The following EFR3A variants were observed in gnomAD, a reference collection of about 807,000 sequenced individuals.
EFR3A encodes the protein EFR3 homolog A, also known as protein EFR3 homolog A.
EFR3A carries 76 observed loss-of-function variants against 104.4 expected under a neutral mutation model. The observed-to-expected ratio is 0.73, with a 90% CI of 0.60 to 0.88. EFR3A has a LOEUF of 0.88. Among genes scored for constraint, EFR3A ranks in the 40% least tolerant of loss-of-function variants. The pLI is 0.00. For missense variants in EFR3A, 985 were observed against 1,012.5 expected (o/e 0.97, Z 0.37); for synonymous variants, 330 against 330.0 (o/e 1.00, Z 0.00).
chr8:131,970,961 C>G (rs1388521973), intron 10 of EFR3A, among the ~76,000 whole-genome samples: 1 of 151,954 alleles, frequency 6.6e-6, no homozygotes, highest in Non-Finnish European at 1.5e-5. Flanking sequence ...ATGTGTGTCT[C>G]TTTGTGTGTG....
chr8:131,915,010 A>AT (rs1816682623), intron 1 of EFR3A, among the ~76,000 whole-genome samples: 1 of 152,190 alleles, frequency 6.6e-6, no homozygotes, highest in African/African-American at 2.4e-5. Flanking sequence ...GCTGCATAGT[A>AT]TTCCATGGTA....
chr8:132,003,470 CT>C (rs1821890366), intron 22 of EFR3A, among the ~76,000 whole-genome samples, 185 bp downstream of exon 22: 2 of 152,166 alleles, frequency 1.3e-5, no homozygotes, highest in Admixed American at 1.3e-4. Flanking sequence ...TAGGCAGAGT[CT>C]GATACCCTTT....
chr8:131,904,132 T>C lies in EFR3A; in HGVS notation c.-181T>C, dbSNP rs1338983539. ...CCGGCGAGGAGTGGGCTGGCGGCGG[T>C]AGCTGTCGCCCGCTTGGTTGCGTGA... is the stretch of plus-strand genomic sequence containing the variant. On this transcript the variant is annotated 5_prime_UTR_variant, in exon 1 of 23. Coordinates refer to ENST00000254624, the MANE Select transcript of EFR3A (RefSeq NM_015137.6). 12 of 630,042 alleles carry C rather than the reference T, an allele frequency of 1.9e-5. No homozygotes were observed. Among genetic ancestry groups the C allele is most frequent in the South Asian group, 8.1e-5 (1 of 12,288 alleles). The allele number at this position is 630,042 out of a possible 1,614,324, so 39.0% of individuals were successfully genotyped here.
chr8:132,001,586 T>C (rs112996821), intron 19 of EFR3A, among the ~76,000 whole-genome samples, 173 bp from the exon 20 acceptor site: 12 of 152,246 alleles, frequency 7.9e-5, no homozygotes, highest in African/African-American at 2.9e-4. Flanking sequence ...TTAGAACCAA[T>C]GAAAAAGTGG....
At chr8:131,935,399 C>G (rs1817824797) in intron 1 of EFR3A, 1 of 286,964 alleles carries the variant, frequency 3.5e-6, no homozygotes, top group Non-Finnish European at 7.2e-6. Flanking sequence ...TGAAGACAGA[C>G]ACATATATGT....
intron 4 of EFR3A, among the ~76,000 whole-genome samples, chr8:131,949,495 A>T (rs1818594262): frequency 6.6e-6 from 1 of 152,028 alleles, no homozygotes; most frequent in African/African-American, 2.4e-5. Context: ...TTGTTTTCTA[A>T]AAGTTTATTA....
intron 7 of EFR3A, among the ~76,000 whole-genome samples, chr8:131,957,607 C>T (rs1350421315): frequency 1.3e-5 from 2 of 152,170 alleles, no homozygotes; most frequent in Non-Finnish European, 1.5e-5. Flanking sequence ...GCCTTGGCAT[C>T]CCATAGTGCT....
At chr8:131,970,897 C>G (rs1327031497) in intron 10 of EFR3A, among the ~76,000 whole-genome samples, 1 of 152,092 alleles carries the variant, frequency 6.6e-6, no homozygotes, top group African/African-American at 2.4e-5. Context: ...CTTTTACTCT[C>G]TTTTTCCTGC....
intron 1 of EFR3A, among the ~76,000 whole-genome samples, chr8:131,915,481 C>G (rs983211708): frequency 6.6e-6 from 1 of 152,180 alleles, no homozygotes; most frequent in Non-Finnish European, 1.5e-5. Context: ...GCACTGCTGG[C>G]TGGAGAATAC....
At chr8:131,996,545 T>C (rs1821498575) in intron 19 of EFR3A, 48 bp downstream of exon 19, 1 of 1,283,840 alleles carries the variant, frequency 7.8e-7, no homozygotes. Context: ...GTAGACATCA[T>C]TTAAAAGAAT....
At chr8:131,957,531 G>A (rs1479179260) in intron 7 of EFR3A, among the ~76,000 whole-genome samples, 5 of 151,998 alleles carry the variant, frequency 3.3e-5, no homozygotes, top group African/African-American at 1.2e-4. Context: ...TGTATTTTTA[G>A]TAGAGATGAG....
intron 1 of EFR3A, among the ~76,000 whole-genome samples, chr8:131,917,258 C>A (rs532901740): frequency 6.6e-6 from 1 of 152,354 alleles, no homozygotes; most frequent in Admixed American, 6.5e-5. Flanking sequence ...TATCAGTCAG[C>A]TCTTGGAGTT....
intron 8 of EFR3A, 98 bp downstream of exon 8, chr8:131,959,761 A>G: frequency 5.7e-6 from 4 of 702,472 alleles, no homozygotes; most frequent in Non-Finnish European, 9.1e-6. Context: ...TGTAGGATAT[A>G]AATCATTGCT....
At chr8:131,911,132 A>G (rs1449684324) in intron 1 of EFR3A, among the ~76,000 whole-genome samples, 1 of 152,212 alleles carries the variant, frequency 6.6e-6, no homozygotes, top group Non-Finnish European at 1.5e-5. Flanking sequence ...TCAAAGGCAT[A>G]CTAAGATGGA....
chr8:131,967,483 C>T (rs1819799675), intron 8 of EFR3A, among the ~76,000 whole-genome samples: 1 of 149,786 alleles, frequency 6.7e-6, no homozygotes, highest in Admixed American at 6.7e-5. Flanking sequence ...GCCACAGGTG[C>T]TTTTTACAGC....
At chr8:131,916,389 C>T (rs1563811286) in intron 1 of EFR3A, among the ~76,000 whole-genome samples, 2 of 152,108 alleles carry the variant, frequency 1.3e-5, no homozygotes, top group Admixed American at 6.5e-5. Flanking sequence ...AGGATTTACT[C>T]AGGTTTCTGG....
chr8:131,911,684 GA>G (rs563993953), intron 1 of EFR3A, among the ~76,000 whole-genome samples: 1 of 152,180 alleles, frequency 6.6e-6, no homozygotes, highest in Non-Finnish European at 1.5e-5. Flanking sequence ...AGATACGGGG[GA>G]AAATGCCCAT....
chr8:131,940,664 T>G, intron 2 of EFR3A, 89 bp downstream of exon 2: 1 of 1,496,630 alleles, frequency 6.7e-7, no homozygotes, highest in Non-Finnish European at 8.9e-7. Flanking sequence ...ATTTCATTTC[T>G]CTACTTTTAC....
intron 5 of EFR3A, among the ~76,000 whole-genome samples, chr8:131,951,035 G>A (rs1368050164): frequency 6.6e-6 from 1 of 152,024 alleles, no homozygotes; most frequent in Non-Finnish European, 1.5e-5. Context: ...AGTTACTGTG[G>A]GCAGTTGATA....
Sources: gnomAD v4.1 joint callset for allele counts (sites outside exome capture counted in the v4.1 genomes callset) on GRCh38, gnomAD v4.1.1 for gene constraint, MANE v1.5 for transcripts, NCBI Gene and HGNC (gene_info 2026-07-23, HGNC 2026-07-21) for gene names.